Variants in CD86 observed in about 807,000 individuals in gnomAD.
CD86 encodes CD86 molecule, also known as T-lymphocyte activation antigen CD86.
CD86 carries 11 observed loss-of-function variants against 32.1 expected under a neutral mutation model. The ratio of observed to expected loss-of-function variants is 0.34; its 90% CI spans 0.22 to 0.57. The LOEUF is 0.57. CD86 is among the 20% of genes least tolerant of loss of function. The probability of loss-of-function intolerance (pLI) is 0.86; values close to 1 mark genes in which losing one functional copy is unlikely to be tolerated. For missense variants in CD86, 359 were observed against 398.4 expected (o/e 0.90, Z 0.84); for synonymous variants, 137 against 135.3 (o/e 1.01, Z -0.09).
rs375494575 is a variant in CD86, at chr3:122,086,933, C to CAGTG, written c.15-4666_15-4665insTGAG. 4.8e-3 allele frequency among the ~76,000 whole-genome samples: 728 copies of CAGTG among 152,236 alleles called. 16 individuals carry two copies. The South Asian group carries it at 0.055, about 11-fold the overall frequency. On this transcript the variant is annotated intron_variant, in intron 1 of 6. Coordinates refer to ENST00000330540, the MANE Select transcript of CD86 (RefSeq NM_175862.5). Reference sequence around the variant, plus strand: ...GCTACACCAGTGTGTGAAAGAAACACAGGCTGCATGGGTTTAAATCTCAGC... The same window carrying CAGTG: ...GCTACACCAGTGTGTGAAAGAAACACAGTGAGGCTGCATGGGTTTAAATCTCAGC...
rs910295649 is a variant in CD86, at chr3:122,120,128, G to A, written c.*594G>A. On this transcript the variant is annotated 3_prime_UTR_variant, in exon 7 of 7. Coordinates refer to ENST00000330540, the MANE Select transcript of CD86 (RefSeq NM_175862.5). The stretch of plus-strand genomic sequence containing the variant: ...TCATCCCTCTGTCAGGGTCAGTAAG[G>A]AAAACGGTGGCCTAGGGTACAGGCA... The A allele has an allele frequency of 6.6e-6, 1 of 152,354 alleles. No individual in the cohort carries two copies. The highest frequency in any genetic ancestry group is 6.5e-5 in the Admixed American group (1 of 15,280). The allele number at this position is 152,354 out of a possible 1,614,324, so 9.4% of individuals were successfully genotyped here. A position where few individuals can be genotyped will look rare whatever the true frequency, so the allele number is the denominator to read the frequency against.
rs527399126 is a variant in CD86, at chr3:122,065,882, C to A, written c.14+10379C>A. On this transcript the variant is annotated intron_variant, in intron 1 of 6. Coordinates refer to ENST00000330540, the MANE Select transcript of CD86 (RefSeq NM_175862.5). ...GGAGAGGGGGAAACTTGACTGGGGG[C>A]TCAATACAGACATGTAAATTTGAAG... Among the ~76,000 whole-genome samples the A allele has an allele frequency of 2.0e-5, 3 of 151,696 alleles. No homozygotes were observed. The South Asian group carries it at 6.2e-4, about 32-fold the overall frequency.
chr3:122,111,396 T>C (rs1436652472), intron 5 of CD86, among the ~76,000 whole-genome samples: 3 of 152,198 alleles, frequency 2.0e-5, no homozygotes, highest in African/African-American at 7.2e-5. Flanking sequence ...TGTAATATGT[T>C]ATCTTACATG....
intron 3 of CD86, among the ~76,000 whole-genome samples, chr3:122,104,391 C>A (rs1286505611): frequency 6.6e-6 from 1 of 152,154 alleles, no homozygotes; most frequent in Non-Finnish European, 1.5e-5. Flanking sequence ...ACAAACATAA[C>A]CCACAAACTT....
At chr3:122,116,660 T>TGC (rs2073255849) in intron 5 of CD86, among the ~76,000 whole-genome samples, 1 of 152,202 alleles carries the variant, frequency 6.6e-6, no homozygotes, top group African/African-American at 2.4e-5. Flanking sequence ...TTCTAAATTT[T>TGC]CATCAGTTGG....
At position 122,056,569 on chromosome 3, in the gene CD86, T is replaced by G. The variant is rs554091575; in HGVS notation, c.14+1066T>G. Reference sequence around the variant, plus strand: ...GGATGGTCTCGATCTCTTGACCTTGTGATCTGGCCACCTCGGCCTCCCAAA... The same window carrying G: ...GGATGGTCTCGATCTCTTGACCTTGGGATCTGGCCACCTCGGCCTCCCAAA... On this transcript the variant is annotated intron_variant, in intron 1 of 6. Coordinates refer to ENST00000330540, the MANE Select transcript of CD86 (RefSeq NM_175862.5). Among the ~76,000 whole-genome samples the G allele has an allele frequency of 3.3e-5, 5 of 152,278 alleles. No homozygotes were observed. In the East Asian group the frequency reaches 9.6e-4, roughly 29 times the overall value.
chr3:122,081,750 C>G (rs2072637311), intron 1 of CD86, among the ~76,000 whole-genome samples: 3 of 152,194 alleles, frequency 2.0e-5, no homozygotes, highest in Admixed American at 2.0e-4. Flanking sequence ...TAACAGAAAT[C>G]AACTCGTGCA....
chr3:122,095,171 ATTTTT>A (rs4048621), intron 2 of CD86, among the ~76,000 whole-genome samples: 1 of 130,940 alleles, frequency 7.6e-6, no homozygotes, highest in Non-Finnish European at 1.6e-5. Context: ...TCACTTTAAG[ATTTTT>A]TTTTTTTTTT....
At chr3:122,112,130 C>G (rs759651095) in intron 5 of CD86, among the ~76,000 whole-genome samples, 49 of 152,072 alleles carry the variant, frequency 3.2e-4, no homozygotes, top group Non-Finnish European at 3.7e-4. Flanking sequence ...ACTAAAATAG[C>G]TCCCCCTGAA....
At position 122,120,621 on chromosome 3, in the gene CD86, C is replaced by T. The variant is rs1243393126; in HGVS notation, c.*1087C>T. 2 of 152,230 alleles carry T rather than the reference C, an allele frequency of 1.3e-5. No homozygotes were observed. Among genetic ancestry groups the T allele is most frequent in the East Asian group, 3.9e-4 (2 of 5,194 alleles). The allele number at this position is 152,230 out of a possible 1,614,324, so 9.4% of individuals were successfully genotyped here. On this transcript the variant is annotated 3_prime_UTR_variant, in exon 7 of 7. Coordinates refer to ENST00000330540, the MANE Select transcript of CD86 (RefSeq NM_175862.5). ...AGCAGAGCTGGGGAGGGAGAGCCAT[C>T]ACCTTGATAATGGGATGAATGGAAG...
In CD86 at chr3:122,117,160, C is replaced by T. The variant is rs190549636; in HGVS notation, c.848-888C>T. Among the ~76,000 whole-genome samples, 13 of 152,232 alleles carry T rather than the reference C, an allele frequency of 8.5e-5. No individual in the cohort carries two copies. In the East Asian group the frequency reaches 2.5e-3, roughly 29 times the overall value. Reference sequence around the variant, plus strand: ...TTCTGAGATTTTGATGCACCTGTCACCCGAGCAATGTCCACTGTACCCAAT... The same window carrying T: ...TTCTGAGATTTTGATGCACCTGTCATCCGAGCAATGTCCACTGTACCCAAT... On this transcript the variant is annotated intron_variant, in intron 5 of 6. Transcript: ENST00000330540.
At chr3:122,095,889 A>G (rs1435885710) in intron 2 of CD86, among the ~76,000 whole-genome samples, 5 of 152,200 alleles carry the variant, frequency 3.3e-5, no homozygotes, top group Non-Finnish European at 2.9e-5. Context: ...TAGGATGTGT[A>G]TAGGGTTGTT....
chr3:122,073,361 G>A (rs975882248), intron 1 of CD86, among the ~76,000 whole-genome samples: 4 of 151,620 alleles, frequency 2.6e-5, no homozygotes, highest in African/African-American at 9.7e-5. Flanking sequence ...TATTAAATTG[G>A]GCTGTTTGTT....
chr3:122,057,823 G>A (rs2072261669), intron 1 of CD86, among the ~76,000 whole-genome samples: 2 of 152,184 alleles, frequency 1.3e-5, no homozygotes, highest in East Asian at 3.8e-4. Context: ...ATTTAGAACA[G>A]GCTGCAGCAC....
At chr3:122,083,638 A>G (rs1361054883) in intron 1 of CD86, among the ~76,000 whole-genome samples, 2 of 152,150 alleles carry the variant, frequency 1.3e-5, no homozygotes, top group African/African-American at 4.8e-5. Context: ...TCTGTTCCTC[A>G]TGCCATCAAT....
At chr3:122,106,522 A>G (rs771346920) in intron 4 of CD86, 22 bp downstream of exon 4, 7 of 1,569,182 alleles carry the variant, frequency 4.5e-6, no homozygotes, top group Non-Finnish European at 6.1e-6. Flanking sequence ...TTCCAAGACT[A>G]TTTCTTTCAG....
At chr3:122,109,545 TGG>T in intron 5 of CD86, 137 bp downstream of exon 5, 4 of 997,382 alleles carry the variant, frequency 4.0e-6, no homozygotes, top group Non-Finnish European at 6.2e-6. Flanking sequence ...GGTTTTCCCT[TGG>T]AGTTTTGAGC....
At chr3:122,083,106 A>G (rs553900324) in intron 1 of CD86, among the ~76,000 whole-genome samples, 13 of 152,314 alleles carry the variant, frequency 8.5e-5, no homozygotes, top group Admixed American at 4.6e-4. Flanking sequence ...TCCCAGACCA[A>G]ACAGCCATCT....
intron 2 of CD86, 46 bp downstream of exon 2, chr3:122,091,696 C>A (rs1489315679): frequency 3.4e-6 from 5 of 1,483,814 alleles, no homozygotes; most frequent in Middle Eastern, 3.4e-4. Context: ...CTACTGTCTC[C>A]TGATGAGTCT....
Sources: allele counts gnomAD v4.1 joint callset (sites outside exome capture counted in the v4.1 genomes callset), GRCh38; gene constraint gnomAD v4.1.1; transcripts MANE v1.5; gene names NCBI Gene and HGNC (gene_info 2026-07-23, HGNC 2026-07-21).